Variants in ABCA1 observed in about 807,000 individuals in gnomAD.
The protein encoded by ABCA1 is ATP binding cassette subfamily A member 1, also known as phospholipid-transporting ATPase ABCA1.
ABCA1 carries 133 observed loss-of-function variants against 262.5 expected under a neutral mutation model. That is an observed-to-expected ratio of 0.51 (90% CI 0.44 to 0.59). The LOEUF (loss-of-function observed/expected upper bound fraction) is 0.59. ABCA1 is among the 20% of genes least tolerant of loss of function. ABCA1 has a pLI of 0.00. For synonymous variants in ABCA1, 1,022 were observed against 1,043.5 expected (o/e 0.98, Z 0.40); for missense variants, 2,452 against 2,777.5 (o/e 0.88, Z 2.63).
In ABCA1 at chr9:104,818,635, C is replaced by A. The variant is rs752716206; in HGVS notation, c.3462+28G>T. ...AAGTCCTGGCTGCCCAGACCCAACA[C>A]CAGCCCAGCACCAAGACTGCAGCTC... On this transcript the variant is annotated intron_variant, in intron 23 of 49. Coordinates refer to ENST00000374736, the MANE Select transcript of ABCA1 (RefSeq NM_005502.4). 7 of 1,607,378 alleles carry A rather than the reference C, an allele frequency of 4.4e-6. No individual in the cohort carries two copies. In the South Asian group the frequency reaches 6.6e-5, roughly 15 times the overall value.
intron 5 of ABCA1, among the ~76,000 whole-genome samples, chr9:104,873,203 A>G (rs1452917580): frequency 6.6e-6 from 1 of 152,222 alleles, no homozygotes; most frequent in African/African-American, 2.4e-5. Flanking sequence ...TCACCTAAAG[A>G]TTTCAAAGAA....
chr9:104,861,768 C>T lies in ABCA1; in HGVS notation c.454G>A (p.Glu152Lys). The change falls in exon 6 of 50, where the codon GAA becomes AAA. Residue 152 changes from glutamate (E) to lysine (K), a missense_variant. Around this residue, in one of 4 missense-constraint regions of ABCA1, gnomAD observed 1,032 missense variants for 1,089.7 expected, o/e 0.95. Coordinates refer to ENST00000374736, the MANE Select transcript of ABCA1 (RefSeq NM_005502.4). Reference sequence around the variant, plus strand: ...TGATACAGGAACCCAGAGAAGGTTTCATTGTCCACCAGGAAATCTTGAAGC... The same window carrying T: ...TGATACAGGAACCCAGAGAAGGTTTTATTGTCCACCAGGAAATCTTGAAGC... ...LKLQDFLVDN[E>K]TFSGFLYHNL... is the part of the protein sequence containing the mutation. The T allele has an allele frequency of 5.6e-6, 9 of 1,612,954 alleles. No individual in the cohort carries two copies. The highest frequency in any genetic ancestry group is 7.6e-6 in the Non-Finnish European group (9 of 1,179,712).
chr9:104,784,492 C>G (rs1047268541), intron 49 of ABCA1, 37 bp from the exon 50 acceptor site: 27 of 1,612,984 alleles, frequency 1.7e-5, no homozygotes, highest in African/African-American at 2.7e-5. Context: ...ATAAATACCA[C>G]TCAACTTGCT....
chr9:104,904,564 C>CA (rs35949087), intron 1 of ABCA1, among the ~76,000 whole-genome samples: 2,099 of 76,716 alleles, frequency 0.027, 50 homozygotes, highest in African/African-American at 0.091. Context: ...GACTCTGTCT[C>CA]AAAAAAAAAA....
At position 104,795,288 on chromosome 9, in the gene ABCA1, G is replaced by A. The variant is rs191823021; in HGVS notation, c.5382+765C>T. On this transcript the variant is annotated intron_variant, in intron 39 of 49. Transcript: ENST00000374736. Reference sequence around the variant, plus strand: ...CAACTCATCTGAAGCTTACAGCTGGGAAAGGGTGTGGTGGGTATGGACAGG... The same window carrying A: ...CAACTCATCTGAAGCTTACAGCTGGAAAAGGGTGTGGTGGGTATGGACAGG... Among the ~76,000 whole-genome samples, 340 of 152,366 alleles carry A rather than the reference G, an allele frequency of 2.2e-3. 2 individuals are homozygous for A. The highest frequency in any genetic ancestry group is 9.1e-3 in the South Asian group (44 of 4,824).
intron 11 of ABCA1, among the ~76,000 whole-genome samples, chr9:104,834,465 G>A (rs1417512866): frequency 6.7e-6 from 1 of 149,452 alleles, no homozygotes; most frequent in Non-Finnish European, 1.5e-5. Context: ...CAGAGGCTAG[G>A]GTTAGCAATT....
chr9:104,868,418 C>G (rs1342547868), intron 5 of ABCA1, among the ~76,000 whole-genome samples: 1 of 152,316 alleles, frequency 6.6e-6, no homozygotes. Flanking sequence ...AACCAAAGAT[C>G]AAGAACGTGA....
chr9:104,802,240 A>C, intron 33 of ABCA1, 81 bp from the exon 34 acceptor site: 1 of 1,281,048 alleles, frequency 7.8e-7, no homozygotes, highest in Admixed American at 1.7e-5. Context: ...GAGTGTGTAC[A>C]AGGTTCACTG....
At chr9:104,893,714 G>T (rs1300940703) in intron 2 of ABCA1, among the ~76,000 whole-genome samples, 3 of 152,226 alleles carry the variant, frequency 2.0e-5, no homozygotes, top group African/African-American at 7.2e-5. Flanking sequence ...CTGGAGGAAG[G>T]GTAAATCACA....
chr9:104,805,332 C>T (rs1257703897), intron 31 of ABCA1, among the ~76,000 whole-genome samples: 3 of 152,120 alleles, frequency 2.0e-5, no homozygotes, highest in Non-Finnish European at 4.4e-5. Context: ...ACCTCGGCAT[C>T]CCAAAATACT....
intron 2 of ABCA1, among the ~76,000 whole-genome samples, chr9:104,899,537 T>C (rs1466239743): frequency 6.6e-6 from 1 of 151,778 alleles, no homozygotes; most frequent in Non-Finnish European, 1.5e-5. Context: ...CTACTAAAAA[T>C]ACAAAAATTA....
Position 104,822,661 on chromosome 9 carries a change from A to C in ABCA1, c.2663T>G (p.Met888Arg), listed in dbSNP as rs1027810518. 2.3e-5 allele frequency: 37 copies of C among 1,614,114 alleles called. No individual in the cohort carries two copies. Among genetic ancestry groups the C allele is most frequent in the Non-Finnish European group, 3.1e-5 (37 of 1,180,006 alleles). The stretch of plus-strand genomic sequence containing the variant: ...CTTCAAGTGGGTGGGTTCCTCCTCC[A>C]TGCAGACTGTGACAGGAGAGAAGAC... ...SNQKRISEIC[M>R]EEEPTHLKLG... Residue 888 changes from methionine (M) to arginine (R), a missense_variant, in exon 19 of 50, where the codon ATG becomes AGG. Met to Arg is a moderately conservative substitution (Grantham distance 91). Transcript: ENST00000374736.
chr9:104,784,535 T>C, intron 49 of ABCA1, 80 bp from the exon 50 acceptor site: 7 of 1,568,422 alleles, frequency 4.5e-6, no homozygotes, highest in Non-Finnish European at 5.2e-6. Flanking sequence ...TTTCCAGATG[T>C]TGAAATTAGG....
chr9:104,818,896 A>T lies in ABCA1; in HGVS notation c.3242-13T>A, dbSNP rs766737374. 1 of 1,606,990 alleles carries T rather than the reference A, an allele frequency of 6.2e-7. No individual in the cohort carries two copies. The highest frequency in any genetic ancestry group is 1.7e-5 in the Admixed American group (1 of 59,212). ...ATAATGGTGCGGCCTGCCAGGCACA[A>T]ACACAAGGATGTGGGACAGGTGAGG... On this transcript the variant is annotated splice_polypyrimidine_tract_variant and intron_variant, in intron 22 of 49. Transcript: ENST00000374736.
chr9:104,869,230 G>A (rs1230301455), intron 5 of ABCA1, among the ~76,000 whole-genome samples: 1 of 152,058 alleles, frequency 6.6e-6, no homozygotes, highest in Non-Finnish European at 1.5e-5. Flanking sequence ...AGTGGGTGGA[G>A]GAGGCAAATG....
In ABCA1 at chr9:104,821,358, G is replaced by C. The variant is rs372475626; in HGVS notation, c.2960+17C>G. ...CATCCAGAAAAGGCCTATTCTTAAC[G>C]TGCTGCTGGTACTCACATGTCAAAC... On this transcript the variant is annotated intron_variant, in intron 20 of 49. Coordinates refer to ENST00000374736, the MANE Select transcript of ABCA1 (RefSeq NM_005502.4). The C allele has an allele frequency of 6.2e-7, 1 of 1,613,626 alleles. No homozygotes were observed. The highest frequency in any genetic ancestry group is 2.2e-5 in the East Asian group (1 of 44,870).
chr9:104,892,779 T>A (rs926394408), intron 2 of ABCA1, among the ~76,000 whole-genome samples: 6 of 152,202 alleles, frequency 3.9e-5, no homozygotes, highest in Non-Finnish European at 7.3e-5. Flanking sequence ...CAATTACTAT[T>A]CCTGGAAATT....
chr9:104,875,054 G>A (rs529008449), intron 5 of ABCA1, among the ~76,000 whole-genome samples: 4,816 of 152,208 alleles, frequency 0.032, 104 homozygotes, highest in Non-Finnish European at 0.041. Context: ...AGAAAAGGGG[G>A]AAATGTGGGG....
chr9:104,835,201 T>C (rs376456114), intron 11 of ABCA1, among the ~76,000 whole-genome samples: 1 of 147,944 alleles, frequency 6.8e-6, no homozygotes, highest in Non-Finnish European at 1.5e-5. Context: ...TGAGCCAAGA[T>C]CATGCCACTG....
Sources: gnomAD v4.1 joint callset for allele counts (sites outside exome capture counted in the v4.1 genomes callset) on GRCh38, gnomAD v4.1.1 for gene constraint, gnomAD v4.1.1 regional missense constraint, MANE v1.5 for transcripts, NCBI Gene and HGNC (gene_info 2026-07-23, HGNC 2026-07-21) for gene names.